PRRC2A: variants seen among roughly 807,000 people sequenced by gnomAD.
The protein encoded by PRRC2A is protein PRRC2A.
Under a neutral mutation model 224.6 loss-of-function variants are expected in PRRC2A, and 59 were observed. The observed-to-expected ratio is 0.26, with a 90% CI of 0.21 to 0.33. The LOEUF is 0.33. Among genes scored for constraint, PRRC2A ranks in the 10% least tolerant of loss-of-function variants. The pLI is 1.00. For missense variants in PRRC2A, 3,095 were observed against 2,880.7 expected, an observed-to-expected ratio of 1.07 and a Z score of -1.70; for synonymous variants, 1,194 against 1,109.5, an observed-to-expected ratio of 1.08 and a Z score of -1.51.
chr6:31,621,419 C>G (rs1360994452), intron 1 of PRRC2A, among the ~76,000 whole-genome samples: 3 of 152,048 alleles, frequency 2.0e-5, no homozygotes, highest in African/African-American at 7.2e-5. Context: ...TCCTGTTCCT[C>G]GTCTCCTTTC....
intron 9 of PRRC2A, 32 bp from the exon 10 acceptor site, chr6:31,626,740 C>G: frequency 6.5e-7 from 1 of 1,544,330 alleles, no homozygotes; most frequent in Non-Finnish European, 8.8e-7. Flanking sequence ...GGGCAGAATG[C>G]TTGGGTTACT....
intron 1 of PRRC2A, among the ~76,000 whole-genome samples, chr6:31,621,296 C>T (rs997169040): frequency 6.6e-6 from 1 of 152,100 alleles, no homozygotes; most frequent in Non-Finnish European, 1.5e-5. Context: ...CTGTGTTCCC[C>T]CCTCTGGACG....
At position 31,631,252 on chromosome 6, in the gene PRRC2A, G is replaced by A. The variant is rs769397663; in HGVS notation, c.2579G>A (p.Gly860Glu). Reference sequence around the variant, plus strand: ...TCTCGCTTTCCTCTGGAGGAACCAGGGCCCCGTCCACTCCCCTGGCCCCCA... The same window carrying A: ...TCTCGCTTTCCTCTGGAGGAACCAGAGCCCCGTCCACTCCCCTGGCCCCCA... The part of the protein sequence containing the change: ...PISRFPLEEP[G>E]PRPLPWPPGS... Residue 860 changes from glycine to glutamate, a missense_variant, in exon 16 of 31, where the codon GGG becomes GAG. By Grantham distance (98) the Gly-to-Glu change is moderately conservative. Coordinates refer to ENST00000376033, the MANE Select transcript of PRRC2A (RefSeq NM_004638.4). This position sits in a 1 kb window ranked among gnomAD's most constrained non-coding sequence, Gnocchi z 4.5. 6.2e-7 allele frequency: 1 copy of A among 1,612,110 alleles called. No homozygotes were observed. Among genetic ancestry groups the A allele is most frequent in the Non-Finnish European group, 8.5e-7 (1 of 1,179,724 alleles).
At chr6:31,623,519 G>T (rs191356812) in intron 2 of PRRC2A, among the ~76,000 whole-genome samples, 116 of 152,140 alleles carry the variant, frequency 7.6e-4, no homozygotes, top group African/African-American at 2.4e-3. Flanking sequence ...CGCCTGCCTC[G>T]GCCTGCCAAA....
intron 3 of PRRC2A, 127 bp downstream of exon 3, chr6:31,624,036 A>G: frequency 8.1e-7 from 1 of 1,231,050 alleles, no homozygotes; most frequent in African/African-American, 1.5e-5. Flanking sequence ...TACCTATTGC[A>G]GGTTCCTTGT....
intron 4 of PRRC2A, 42 bp from the exon 5 acceptor site, chr6:31,624,407 GC>G: frequency 6.2e-7 from 1 of 1,606,950 alleles, no homozygotes; most frequent in Non-Finnish European, 8.5e-7. Context: ...GTTCATAGCT[GC>G]CCCACCCACA....
chr6:31,635,945 C>G, intron 24 of PRRC2A, 22 bp from the exon 25 acceptor site: 1 of 1,582,924 alleles, frequency 6.3e-7, no homozygotes, highest in South Asian at 1.1e-5. Context: ...AAAGCTGTTT[C>G]AACCGTGCTC....
In PRRC2A at chr6:31,625,148, G is replaced by A. The variant is rs1239278490; in HGVS notation, c.464-23G>A. 1 of 1,605,264 alleles carries A rather than the reference G, an allele frequency of 6.2e-7. No individual in the cohort carries two copies. The highest frequency in any genetic ancestry group is 1.7e-5 in the Admixed American group (1 of 59,690). On this transcript the variant is annotated intron_variant, in intron 5 of 30. Transcript: ENST00000376033. This position sits in a 1 kb window ranked among gnomAD's most constrained non-coding sequence, Gnocchi z 4.1. ...CCTCAGGAAATGTCTTCTGTCTCCT[G>A]TTCTGCATCCCCATCCTAATAGGTG...
At position 31,632,309 on chromosome 6, in the gene PRRC2A, G is replaced by A; in HGVS notation, c.3636G>A (p.Lys1212=). The A allele has an allele frequency of 6.2e-7, 1 of 1,613,352 alleles. No individual in the cohort carries two copies. The highest frequency in any genetic ancestry group is 8.5e-7 in the Non-Finnish European group (1 of 1,179,996). ...CAAGTAAGGAGCCTTTGAAAGAGAA[G>A]TTGATCCCAGGGCCTCTGTCCCCTG... ...LPPSKEPLKE[K]LIPGPLSPVA... The change falls in exon 16 of 31, where the codon AAG becomes AAA. Residue 1212 remains lysine (K), a synonymous_variant. Coordinates refer to ENST00000376033, the MANE Select transcript of PRRC2A (RefSeq NM_004638.4).
In PRRC2A at chr6:31,637,446, G is replaced by A; in HGVS notation, c.6334G>A (p.Ala2112Thr). The change falls in exon 31 of 31, where the codon GCC (alanine) becomes ACC (threonine). Residue 2112 changes from alanine (A) to threonine (T), a missense_variant and splice_region_variant. Ala to Thr is a moderately conservative substitution (Grantham distance 58). Coordinates refer to ENST00000376033, the MANE Select transcript of PRRC2A (RefSeq NM_004638.4). ...RTQRVDLYQQASPPDALRWIP... is the reference protein window; with the variant it reads ...RTQRVDLYQQTSPPDALRWIP... ...TGTTTAACACATGCCTGTCCCCTAG[G>A]CCTCCCCACCAGATGCCCTGCGCTG... 1 of 1,582,728 alleles carries A rather than the reference G, an allele frequency of 6.3e-7. No individual in the cohort carries two copies. Among genetic ancestry groups the A allele is most frequent in the African/African-American group, 1.3e-5 (1 of 74,398 alleles).
chr6:31,623,259 ATTTTTT>A (rs3993756), intron 2 of PRRC2A: 17,768 of 318,614 alleles, frequency 0.056, 84 homozygotes, highest in Admixed American at 0.12. Flanking sequence ...GATTTCATAG[ATTTTTT>A]TTTTTTTTTT....
At position 31,632,196 on chromosome 6, in the gene PRRC2A, G is replaced by A. The variant is rs1425632548; in HGVS notation, c.3523G>A (p.Gly1175Arg). ...GVPSRRGRGGGRPPPQVCPGW... is the reference protein window; with the variant it reads ...GVPSRRGRGGRRPPPQVCPGW... ...GCCATCTCGCCGGGGCCGAGGAGGA[G>A]GGAGGCCCCCTCCTCAAGTTTGCCC... Residue 1175 changes from glycine to arginine, a missense_variant, in exon 16 of 31, where the codon GGG becomes AGG. This residue lies in a region of PRRC2A where 2,001 missense variants were observed against 1,764.9 expected (regional missense o/e 1.13). Coordinates refer to ENST00000376033, the MANE Select transcript of PRRC2A (RefSeq NM_004638.4). 2 of 1,605,828 alleles carry A rather than the reference G, an allele frequency of 1.2e-6. No individual in the cohort carries two copies. The highest frequency in any genetic ancestry group is 8.5e-7 in the Non-Finnish European group (1 of 1,176,968).
chr6:31,637,048 C>T lies in PRRC2A; in HGVS notation c.6154C>T (p.Pro2052Ser). 1 of 1,602,462 alleles carries T rather than the reference C, an allele frequency of 6.2e-7. No individual in the cohort carries two copies. The highest frequency in any genetic ancestry group is 8.5e-7 in the Non-Finnish European group (1 of 1,174,190). Residue 2052 changes from proline (P) to serine (S), a missense_variant, in exon 29 of 31, where the codon CCA becomes TCA. Coordinates refer to ENST00000376033, the MANE Select transcript of PRRC2A (RefSeq NM_004638.4). The stretch of plus-strand genomic sequence containing the variant: ...ATGATTTTTTTCCCCTCAGCTGCAT[C>T]CAGTGGAACTAAAGCCGTTCCAGGA... Reference protein sequence around the residue: ...PASLGRAELHPVELKPFQDYQ... With the variant: ...PASLGRAELHSVELKPFQDYQ...
At chr6:31,622,250 G>A (rs1775373083) in intron 1 of PRRC2A, among the ~76,000 whole-genome samples, 1 of 152,180 alleles carries the variant, frequency 6.6e-6, no homozygotes, top group Non-Finnish European at 1.5e-5. Flanking sequence ...GGGGTACAGG[G>A]CCCTGGGGGC....
At chr6:31,633,351 A>G in intron 16 of PRRC2A, 28 bp from the exon 17 acceptor site, 1 of 1,601,568 alleles carries the variant, frequency 6.2e-7, no homozygotes, top group Non-Finnish European at 8.5e-7. Flanking sequence ...TTTAGTGGAT[A>G]CTGGAGCTAA....
intron 1 of PRRC2A, among the ~76,000 whole-genome samples, chr6:31,622,369 T>C (rs763703420): frequency 6.6e-6 from 1 of 152,230 alleles, no homozygotes; most frequent in African/African-American, 2.4e-5. Context: ...GAATTTGTCC[T>C]GTTGTAAGTC....
At chr6:31,624,199 C>T in intron 3 of PRRC2A, 62 bp from the exon 4 acceptor site, 1 of 1,462,372 alleles carries the variant, frequency 6.8e-7, no homozygotes, top group Non-Finnish European at 9.5e-7. Flanking sequence ...TGAGTCTCCA[C>T]CAGTTGGAGA....
intron 18 of PRRC2A, 67 bp from the exon 19 acceptor site, chr6:31,634,169 C>T: frequency 6.4e-7 from 1 of 1,572,304 alleles, no homozygotes; most frequent in South Asian, 1.2e-5. Context: ...CCCACTCTGT[C>T]CTGGCTTCCT....
intron 16 of PRRC2A, 67 bp from the exon 17 acceptor site, chr6:31,633,312 G>A: frequency 1.9e-6 from 3 of 1,559,268 alleles, no homozygotes; most frequent in South Asian, 2.4e-5. Flanking sequence ...CAGAAGTTGG[G>A]AAACATAACT....
Sources: allele counts gnomAD v4.1 joint callset (sites outside exome capture counted in the v4.1 genomes callset), GRCh38; gene constraint gnomAD v4.1.1; regional missense constraint gnomAD v4.1.1; non-coding constraint Gnocchi (gnomAD v3.1); transcripts MANE v1.5; gene names NCBI Gene and HGNC (gene_info 2026-07-23, HGNC 2026-07-21).